The following CHD7 variants were observed in gnomAD, a reference collection of about 807,000 sequenced individuals.
CHD7 encodes the protein chromodomain helicase DNA binding protein 7, also known as ATP-dependent chromatin remodeler CHD7.
In CHD7, 24 loss-of-function variants were observed where a neutral mutation model predicts 307.3. The observed-to-expected ratio is 0.08, with a 90% CI of 0.06 to 0.11. The LOEUF is 0.11. Among genes scored for constraint, CHD7 ranks in the 10% least tolerant of loss-of-function variants. The probability of loss-of-function intolerance (pLI) is 1.00; values close to 1 mark genes in which losing one functional copy is unlikely to be tolerated. For synonymous variants in CHD7, 1,363 were observed against 1,349.9 expected (o/e 1.01, Z -0.21); for missense variants, 3,106 against 3,727.1 (o/e 0.83, Z 4.34).
chr8:60,790,062 G>A (rs1176508250), intron 3 of CHD7, among the ~76,000 whole-genome samples: 7 of 152,228 alleles, frequency 4.6e-5, no homozygotes, highest in Admixed American at 4.6e-4. Context: ...AATGTGAAAT[G>A]TAAGTAAGGC....
Position 60,848,545 on chromosome 8 carries a change from C to T in CHD7, c.5241C>T (p.Tyr1747=), listed in dbSNP as rs1404353688. 1 of 1,613,714 alleles carries T rather than the reference C, an allele frequency of 6.2e-7. No individual in the cohort carries two copies. ...TGCTGCGTGTCCGCATGCTGTACTA[C>T]CTAAGACAAGAAGTGATAGGAGACC... ...KVLLRVRMLY[Y]LRQEVIGDQA... Residue 1747 remains tyrosine, a synonymous_variant, in exon 24 of 38, where the codon TAC becomes TAT. Coordinates refer to ENST00000423902, the MANE Select transcript of CHD7 (RefSeq NM_017780.4).
chr8:60,821,379 C>T (rs1804024318), intron 9 of CHD7, among the ~76,000 whole-genome samples: 1 of 152,074 alleles, frequency 6.6e-6, no homozygotes, highest in South Asian at 2.1e-4. Flanking sequence ...AATACTGTTT[C>T]CAGTTTAGAC....
chr8:60,683,448 C>T (rs1168682350), intron 1 of CHD7, among the ~76,000 whole-genome samples: 1 of 152,122 alleles, frequency 6.6e-6, no homozygotes, highest in Non-Finnish European at 1.5e-5. Context: ...CCATATTTTA[C>T]TTTTGTCAAT....
At chr8:60,831,112 A>G (rs954589171) in intron 15 of CHD7, among the ~76,000 whole-genome samples, 2 of 152,226 alleles carry the variant, frequency 1.3e-5, no homozygotes, top group Non-Finnish European at 2.9e-5. Flanking sequence ...AACTAAATTC[A>G]TAGTGTTATG....
At chr8:60,718,780 A>G (rs1807749024) in intron 1 of CHD7, among the ~76,000 whole-genome samples, 1 of 149,504 alleles carries the variant, frequency 6.7e-6, no homozygotes, top group African/African-American at 2.6e-5. Flanking sequence ...CTTCATATTC[A>G]TTCACCACTC....
intron 32 of CHD7, 149 bp downstream of exon 32, chr8:60,854,672 G>T (rs1306961441): frequency 4.7e-6 from 3 of 632,274 alleles, no homozygotes; most frequent in Middle Eastern, 2.8e-4. Flanking sequence ...TTTAAAGAAT[G>T]ATCTGAAAAA....
Position 60,853,336 on chromosome 8 carries a change from A to G in CHD7, c.6611A>G (p.Lys2204Arg), listed in dbSNP as rs549714698. Residue 2204 changes from lysine to arginine, a missense_variant, in exon 31 of 38, where the codon AAG becomes AGG. Physicochemically the swap from Lys to Arg is conservative, Grantham distance 26. This residue lies in a region of CHD7 where 1,030 missense variants were observed against 1,165.4 expected (regional missense o/e 0.88). Transcript: ENST00000423902. ...ACCGATGGCAGCGGGAAGGAGAGCAAGCAGGAATGTGAGGCAGAGGCCAGC... is the reference window on the plus strand; with the variant it reads ...ACCGATGGCAGCGGGAAGGAGAGCAGGCAGGAATGTGAGGCAGAGGCCAGC... ...EETDGSGKES[K>R]QECEAEASSV... 3 of 1,593,874 alleles carry G rather than the reference A, an allele frequency of 1.9e-6. No individual in the cohort carries two copies. Among genetic ancestry groups the G allele is most frequent in the Non-Finnish European group, 2.6e-6 (3 of 1,169,720 alleles).
intron 23 of CHD7, among the ~76,000 whole-genome samples, chr8:60,845,858 C>T (rs377158218): frequency 1.3e-5 from 2 of 152,316 alleles, no homozygotes; most frequent in East Asian, 3.9e-4. Context: ...CAAATATAAA[C>T]ACTGTATCAA....
intron 21 of CHD7, among the ~76,000 whole-genome samples, chr8:60,843,052 CT>C (rs978339563): frequency 1.3e-5 from 2 of 152,222 alleles, no homozygotes; most frequent in African/African-American, 2.4e-5. Flanking sequence ...TGCTCTGCAA[CT>C]GAGTCTGGCC....
At chr8:60,679,520 A>G (rs1170543310) in intron 1 of CHD7, 1 of 146,582 alleles carries the variant, frequency 6.8e-6, no homozygotes, top group Non-Finnish European at 1.5e-5. Flanking sequence ...GGCGCCGAGC[A>G]CGAGTTGCCG....
rs1467028739 is a variant in CHD7, at chr8:60,781,136, A to G, written c.1802A>G (p.Lys601Arg). 3 of 1,610,380 alleles carry G rather than the reference A, an allele frequency of 1.9e-6. No individual in the cohort carries two copies. The highest frequency in any genetic ancestry group is 2.5e-6 in the Non-Finnish European group (3 of 1,178,184). ...CAGCCACAACAAAAGAAGAAGAAAA[A>G]GAAAAACAACCACATTGTAGCAGAG... ...EQQPQQKKKK[K>R]KNNHIVAEDP... The change falls in exon 3 of 38, where the codon AAG (lysine) becomes AGG (arginine). Residue 601 changes from lysine (K) to arginine (R), a missense_variant. Lys to Arg is a conservative substitution (Grantham distance 26). Coordinates refer to ENST00000423902, the MANE Select transcript of CHD7 (RefSeq NM_017780.4).
chr8:60,784,546 T>C (rs1811404367), intron 3 of CHD7, among the ~76,000 whole-genome samples: 1 of 152,122 alleles, frequency 6.6e-6, no homozygotes, highest in Non-Finnish European at 1.5e-5. Flanking sequence ...GGGAGAGAGC[T>C]TGGTCTGCAT....
chr8:60,820,259 A>G (rs763763409), intron 9 of CHD7, among the ~76,000 whole-genome samples, 169 bp downstream of exon 9: 2 of 148,564 alleles, frequency 1.3e-5, no homozygotes, highest in Non-Finnish European at 2.9e-5. Context: ...TTATGACTTA[A>G]TAATAGTGCT....
Position 60,865,303 on chromosome 8 carries a change from T to C in CHD7, c.8364T>C (p.Asp2788=), listed in dbSNP as rs886063041. 3.1e-6 allele frequency: 5 copies of C among 1,611,000 alleles called. No individual in the cohort carries two copies. The highest frequency in any genetic ancestry group is 4.2e-6 in the Non-Finnish European group (5 of 1,178,876). ...CAACAGCTGCCACCGCCGGAGGCGA[T>C]GCGAAGAACCCTGCTGCTGTGCTGC... The part of the protein sequence containing the change: ...GLATAATAGG[D]AKNPAAVLPL... Residue 2788 remains aspartate, a synonymous_variant, in exon 38 of 38, where the codon GAT becomes GAC. Coordinates refer to ENST00000423902, the MANE Select transcript of CHD7 (RefSeq NM_017780.4). This position sits in a 1 kb window ranked among gnomAD's most constrained non-coding sequence, Gnocchi z 4.3.
At chr8:60,771,523 G>C (rs1012340719) in intron 2 of CHD7, among the ~76,000 whole-genome samples, 2 of 152,176 alleles carry the variant, frequency 1.3e-5, no homozygotes, top group Non-Finnish European at 2.9e-5. Context: ...TACTCACTCT[G>C]TACCACAAAC....
chr8:60,827,909 T>C (rs1014825582), intron 13 of CHD7, among the ~76,000 whole-genome samples: 5 of 152,128 alleles, frequency 3.3e-5, no homozygotes, highest in Middle Eastern at 3.4e-3. Context: ...ATGGCCAAAG[T>C]AGAAAATAAT....
At position 60,765,510 on chromosome 8, in the gene CHD7, A is replaced by G. The variant is rs193065102; in HGVS notation, c.1666-15490A>G. Reference sequence around the variant, plus strand: ...TTGGGGAAGGCCTTGGGAAGAGGTTATATTTAAACTGAGTTTTGAAGGTTG... The same window carrying G: ...TTGGGGAAGGCCTTGGGAAGAGGTTGTATTTAAACTGAGTTTTGAAGGTTG... On this transcript the variant is annotated intron_variant, in intron 2 of 37. Coordinates refer to ENST00000423902, the MANE Select transcript of CHD7 (RefSeq NM_017780.4). Among the ~76,000 whole-genome samples, 97 of 152,328 alleles carry G rather than the reference A, an allele frequency of 6.4e-4. 1 individual carries two copies. Among genetic ancestry groups the G allele is most frequent in the Non-Finnish European group, 8.4e-4 (57 of 68,018 alleles).
chr8:60,833,015 C>T (rs918046899), intron 15 of CHD7, among the ~76,000 whole-genome samples: 8 of 152,122 alleles, frequency 5.3e-5, no homozygotes, highest in Admixed American at 2.0e-4. Context: ...ACAAACTAAG[C>T]GCACGCAGCT....
At chr8:60,850,835 C>A (rs1459165428) in intron 26 of CHD7, 197 bp from the exon 27 acceptor site, 3 of 699,666 alleles carry the variant, frequency 4.3e-6, no homozygotes, top group Non-Finnish European at 7.1e-6. Context: ...TTCCAAATGT[C>A]ATTTCCCGCA....
Sources: allele counts gnomAD v4.1 joint callset (sites outside exome capture counted in the v4.1 genomes callset), GRCh38; gene constraint gnomAD v4.1.1; regional missense constraint gnomAD v4.1.1; non-coding constraint Gnocchi (gnomAD v3.1); transcripts MANE v1.5; gene names NCBI Gene and HGNC (gene_info 2026-07-23, HGNC 2026-07-21).